Variants in APOBEC3D observed in about 807,000 individuals in gnomAD.
The protein encoded by APOBEC3D is DNA dC->dU-editing enzyme APOBEC-3D.
Under a neutral mutation model 45.6 loss-of-function variants are expected in APOBEC3D, and 37 were observed. The observed-to-expected ratio is 0.81, with a 90% confidence interval of 0.62 to 1.07. The LOEUF is 1.07. Among genes scored for constraint, APOBEC3D ranks in the 50% least tolerant of loss-of-function variants. The pLI is 0.00. For missense variants in APOBEC3D, 496 were observed against 495.3 expected (o/e 1.00, Z -0.01); for synonymous variants, 175 against 180.7 (o/e 0.97, Z 0.25).
At position 39,032,285 on chromosome 22, in the gene APOBEC3D, T is replaced by C; in HGVS notation, c.1130T>C (p.Leu377Pro). The change falls in exon 7 of 7, where the codon CTG (leucine) becomes CCG (proline). Residue 377 changes from leucine to proline, a missense_variant. Physicochemically the swap from Leu to Pro is moderately conservative, Grantham distance 98. Transcript: ENST00000216099. The part of the protein sequence containing the change: ...WKGLQTNFRL[L>P]KRRLREILQ ...GGACTACAAACCAACTTTCGACTTC[T>C]GAAAAGAAGGCTACGGGAGATTCTC... The C allele has an allele frequency of 1.2e-6, 2 of 1,614,184 alleles. No individual in the cohort carries two copies. Among genetic ancestry groups the C allele is most frequent in the Non-Finnish European group, 8.5e-7 (1 of 1,180,022 alleles).
chr22:39,028,805 T>A (rs1260233687), intron 4 of APOBEC3D, among the ~76,000 whole-genome samples: 2 of 152,070 alleles, frequency 1.3e-5, no homozygotes, highest in Admixed American at 1.3e-4. Context: ...CGTGGTGGCA[T>A]GCACCTGTAG....
intron 2 of APOBEC3D, among the ~76,000 whole-genome samples, chr22:39,023,303 A>G (rs537431142): frequency 1.1e-3 from 166 of 151,720 alleles, no homozygotes; most frequent in African/African-American, 3.8e-3. Flanking sequence ...TTCAGTAGAG[A>G]TGGGGTTTCA....
At chr22:39,028,585 C>G (rs1169243381) in intron 4 of APOBEC3D, among the ~76,000 whole-genome samples, 1 of 152,176 alleles carries the variant, frequency 6.6e-6, no homozygotes, top group Non-Finnish European at 1.5e-5. Context: ...AGGCAGATCA[C>G]GAAGTCAGTT....
At chr22:39,026,951 A>G (rs1288960873) in intron 4 of APOBEC3D, among the ~76,000 whole-genome samples, 2 of 152,020 alleles carry the variant, frequency 1.3e-5, no homozygotes, top group African/African-American at 2.4e-5. Flanking sequence ...GGGTTTTGCA[A>G]TGTTGGCCAG....
intron 2 of APOBEC3D, among the ~76,000 whole-genome samples, chr22:39,023,821 C>A (rs1307488251): frequency 6.6e-6 from 1 of 152,116 alleles, no homozygotes; most frequent in Non-Finnish European, 1.5e-5. Context: ...GCCCGGATTC[C>A]TCCTTGGCAA....
Position 39,026,470 on chromosome 22 carries a change from C to T in APOBEC3D, c.605+799C>T, listed in dbSNP as rs536170521. On this transcript the variant is annotated intron_variant, in intron 4 of 6. Coordinates refer to ENST00000216099, the MANE Select transcript of APOBEC3D (RefSeq NM_152426.4). ...GGTGGGGTTGAGGGCTTCGACATGT[C>T]AATGTAGGGAAGATACAATTTAGCC... Among the ~76,000 whole-genome samples the T allele has an allele frequency of 1.7e-4, 26 of 152,304 alleles. 1 individual carries two copies. Among genetic ancestry groups the T allele is most frequent in the African/African-American group, 6.3e-4 (26 of 41,574 alleles).
intron 4 of APOBEC3D, among the ~76,000 whole-genome samples, chr22:39,027,877 T>C (rs755710237): frequency 2.6e-5 from 4 of 152,178 alleles, no homozygotes; most frequent in Non-Finnish European, 4.4e-5. Context: ...CCTGCTGAGA[T>C]TCTCCCCTGA....
chr22:39,029,530 A>G lies in APOBEC3D; in HGVS notation c.762+11A>G, dbSNP rs1925999269. On this transcript the variant is annotated intron_variant, in intron 5 of 6. Coordinates refer to ENST00000216099, the MANE Select transcript of APOBEC3D (RefSeq NM_152426.4). ...GTCTTCCGAAACCAGGTAGCACCAA[A>G]GTCCTATTTACACCCTAAATAGGAG... is the stretch of plus-strand genomic sequence containing the variant. 2 of 1,614,040 alleles carry G rather than the reference A, an allele frequency of 1.2e-6. No individual in the cohort carries two copies. Among genetic ancestry groups the G allele is most frequent in the Non-Finnish European group, 1.7e-6 (2 of 1,180,014 alleles).
intron 5 of APOBEC3D, 103 bp downstream of exon 5, chr22:39,029,622 T>C: frequency 1.5e-6 from 2 of 1,366,826 alleles, no homozygotes; most frequent in Non-Finnish European, 2.0e-6. Context: ...CTATGTGTAC[T>C]TTCCTCTTAC....
intron 4 of APOBEC3D, among the ~76,000 whole-genome samples, chr22:39,028,155 G>C (rs1289334994): frequency 6.6e-6 from 1 of 152,186 alleles, no homozygotes; most frequent in Non-Finnish European, 1.5e-5. Flanking sequence ...AGCAGAGTAG[G>C]ATGCACACGA....
Position 39,027,812 on chromosome 22 carries a change from G to GC in APOBEC3D, c.606-1547dup, listed in dbSNP as rs1046990245. On this transcript the variant is annotated intron_variant, in intron 4 of 6. Coordinates refer to ENST00000216099, the MANE Select transcript of APOBEC3D (RefSeq NM_152426.4). ...AGGCTCTTTGCCCTGCTATGTGGTC[G>GC]CCCCACTGCTGCTTCTGAATGGGCC... Among the ~76,000 whole-genome samples, 4 of 151,960 alleles carry GC rather than the reference G, an allele frequency of 2.6e-5. 1 individual carries two copies. The highest frequency in any genetic ancestry group is 1.3e-4 in the Admixed American group (2 of 15,260).
intron 1 of APOBEC3D, 22 bp downstream of exon 1, chr22:39,021,558 G>A (rs565089488): frequency 1.9e-6 from 3 of 1,611,774 alleles, no homozygotes; most frequent in African/African-American, 1.4e-5. Context: ...CACTATGTCC[G>A]CAGGGCCCCT....
In APOBEC3D at chr22:39,025,689, G is replaced by T; in HGVS notation, c.605+18G>T. On this transcript the variant is annotated intron_variant, in intron 4 of 6. Transcript: ENST00000216099. The stretch of plus-strand genomic sequence containing the variant: ...ATTCTCAGGTGAGGGTCTCCCTCTG[G>T]CCTCATCGTCTCTCTCCTCTCGCCT... The T allele has an allele frequency of 6.2e-7, 1 of 1,613,838 alleles. No individual in the cohort carries two copies. The highest frequency in any genetic ancestry group is 8.5e-7 in the Non-Finnish European group (1 of 1,179,872).
chr22:39,024,234 C>T (rs778218639), intron 2 of APOBEC3D, among the ~76,000 whole-genome samples: 1 of 152,144 alleles, frequency 6.6e-6, no homozygotes, highest in African/African-American at 2.4e-5. Context: ...TTTGATGTGC[C>T]GAGGTCTCTC....
At chr22:39,025,974 C>G (rs1309104540) in intron 4 of APOBEC3D, among the ~76,000 whole-genome samples, 1 of 152,156 alleles carries the variant, frequency 6.6e-6, no homozygotes, top group Non-Finnish European at 1.5e-5. Context: ...CTGGCATAAC[C>G]GAATTTGTCA....
In APOBEC3D at chr22:39,025,199, G is replaced by T; in HGVS notation, c.340G>T (p.Val114Leu). ...VSWNPCLPCVVKVTKFLAEHP... is the reference protein window; with the variant it reads ...VSWNPCLPCVLKVTKFLAEHP... ...ATGGAACCCCTGCCTGCCCTGTGTG[G>T]TGAAGGTGACCAAATTCTTGGCTGA... The change falls in exon 3 of 7, where the codon GTG becomes TTG. Residue 114 changes from valine to leucine, a missense_variant. Val to Leu is a conservative substitution (Grantham distance 32). Transcript: ENST00000216099. 6.2e-7 allele frequency: 1 copy of T among 1,613,768 alleles called. No homozygotes were observed. The highest frequency in any genetic ancestry group is 8.5e-7 in the Non-Finnish European group (1 of 1,179,876).
intron 5 of APOBEC3D, among the ~76,000 whole-genome samples, chr22:39,029,902 C>G (rs1195642545): frequency 2.0e-5 from 3 of 152,244 alleles, no homozygotes; most frequent in African/African-American, 7.2e-5. Flanking sequence ...TGAGCCACCA[C>G]GCCCAACTTC....
Position 39,031,695 on chromosome 22 carries a change from T to A in APOBEC3D, c.764T>A (p.Val255Glu). ...GCCCTCCTCCTCCTCCTTCCCCAGG[T>A]GGATCCTGAGACCCATTGTCATGCA... ...FRKRGVFRNQVDPETHCHAER... is the reference protein window; with the variant it reads ...FRKRGVFRNQEDPETHCHAER... Residue 255 changes from valine (V) to glutamate (E), a missense_variant and splice_region_variant, in exon 6 of 7, where the codon GTG becomes GAG. Physicochemically the swap from Val to Glu is moderately radical, Grantham distance 121. Coordinates refer to ENST00000216099, the MANE Select transcript of APOBEC3D (RefSeq NM_152426.4). The A allele has an allele frequency of 1.2e-6, 2 of 1,611,338 alleles. No homozygotes were observed. The highest frequency in any genetic ancestry group is 2.7e-5 in the African/African-American group (2 of 74,966).
rs1344612750 is a variant in APOBEC3D, at chr22:39,021,410, G to C, written c.-110G>C. Reference sequence around the variant, plus strand: ...CGTGAGCCACCGTGCCCGGCCGGGAGGTCACTTTAAGGAGGGCTGTCCAAC... The same window carrying C: ...CGTGAGCCACCGTGCCCGGCCGGGACGTCACTTTAAGGAGGGCTGTCCAAC... On this transcript the variant is annotated 5_prime_UTR_variant, in exon 1 of 7. Transcript: ENST00000216099. The C allele has an allele frequency of 3.9e-6, 6 of 1,528,278 alleles. No individual in the cohort carries two copies. The highest frequency in any genetic ancestry group is 1.1e-5 in the South Asian group (1 of 88,446). The allele number at this position is 1,528,278 out of a possible 1,614,324, so 94.7% of individuals were successfully genotyped here.
Sources: allele counts gnomAD v4.1 joint callset (sites outside exome capture counted in the v4.1 genomes callset), GRCh38; gene constraint gnomAD v4.1.1; transcripts MANE v1.5; gene names NCBI Gene and HGNC (gene_info 2026-07-23, HGNC 2026-07-21).